Variants in CDCA2 observed in about 807,000 individuals in gnomAD.
The protein encoded by CDCA2 is cell division cycle associated 2.
CDCA2 carries 44 observed loss-of-function variants against 67.0 expected under a neutral mutation model. The ratio of observed to expected loss-of-function variants is 0.66; its 90% CI spans 0.52 to 0.84. The LOEUF is 0.84. Among genes scored for constraint, CDCA2 ranks in the 40% least tolerant of loss-of-function variants. CDCA2 has a pLI of 0.00. For synonymous variants in CDCA2, 447 were observed against 418.7 expected (o/e 1.07, Z -0.82); for missense variants, 1,253 against 1,203.2 (o/e 1.04, Z -0.61).
chr8:25,462,381 C>G (rs750307633), intron 4 of CDCA2, among the ~76,000 whole-genome samples, 173 bp downstream of exon 4: 24 of 152,288 alleles, frequency 1.6e-4, no homozygotes, highest in South Asian at 1.0e-3. Flanking sequence ...AATCCCAGTA[C>G]TCTGGGAGGC....
At chr8:25,459,070 C>G (rs1278549664), upstream of CDCA2, 1 of 152,214 alleles carries the variant, frequency 6.6e-6, no homozygotes, top group Non-Finnish European at 1.5e-5. Context: ...TGGTCCCTCT[C>G]CGAGCCCAGG....
intron 3 of CDCA2, 120 bp from the exon 4 acceptor site, chr8:25,461,934 A>C (rs1408475324): frequency 1.1e-6 from 1 of 931,324 alleles, no homozygotes; most frequent in East Asian, 2.5e-5. Flanking sequence ...CTCTCCACTG[A>C]GTTTTTTGTA....
chr8:25,501,725 C>G (rs1214612898), intron 13 of CDCA2, among the ~76,000 whole-genome samples: 2 of 152,190 alleles, frequency 1.3e-5, no homozygotes, highest in Non-Finnish European at 1.5e-5. Context: ...GTTCACACAG[C>G]CAGTCATGGT....
chr8:25,506,985 A>T lies in CDCA2; in HGVS notation c.2319A>T (p.Ala773=), dbSNP rs773443648. 2.5e-6 allele frequency: 4 copies of T among 1,614,044 alleles called. No homozygotes were observed. The African/African-American group carries it at 4.0e-5, about 16-fold the overall frequency. The change falls in exon 15 of 15, where the codon GCA becomes GCT. Residue 773 remains alanine, a synonymous_variant. Coordinates refer to ENST00000330560, the MANE Select transcript of CDCA2 (RefSeq NM_152562.4). ...GAAAGGATGACTTCTTAGGAGCTGC[A>T]GAAGGAAAACTGCAATGCAATCGTT... is the stretch of plus-strand genomic sequence containing the variant. The part of the protein sequence containing the change: ...CERKDDFLGA[A]EGKLQCNRLM...
At chr8:25,486,851 C>G (rs1340635523) in intron 11 of CDCA2, among the ~76,000 whole-genome samples, 3 of 151,996 alleles carry the variant, frequency 2.0e-5, no homozygotes, top group Non-Finnish European at 4.4e-5. Context: ...TTTTCCTATC[C>G]TACACTTTAA....
At chr8:25,469,649 G>A (rs1448052774) in intron 6 of CDCA2, among the ~76,000 whole-genome samples, 3 of 137,946 alleles carry the variant, frequency 2.2e-5, no homozygotes, top group African/African-American at 5.3e-5. Context: ...TGATTTGTGG[G>A]ATGTTTAGGA....
In CDCA2 at chr8:25,459,280, G is replaced by A. The variant is rs1220233973; in HGVS notation, c.-194G>A. 6.6e-6 allele frequency: 1 copy of A among 152,432 alleles called. No homozygotes were observed. Among genetic ancestry groups the A allele is most frequent in the Non-Finnish European group, 1.5e-5 (1 of 68,232 alleles). The allele number at this position is 152,432 out of a possible 1,614,324, so 9.4% of individuals were successfully genotyped here. On this transcript the variant is annotated 5_prime_UTR_variant, in exon 1 of 15. Transcript: ENST00000330560. ...GCAGGCCAGGATCAGCGCAGGCTGT[G>A]AGTCCAGGTCAGCCGTCGGGACCTC...
At chr8:25,473,696 C>T (rs370968747) in intron 7 of CDCA2, among the ~76,000 whole-genome samples, 2 of 152,330 alleles carry the variant, frequency 1.3e-5, no homozygotes, top group African/African-American at 4.8e-5. Flanking sequence ...ATAAGAGCTT[C>T]ATAATATAAT....
chr8:25,497,251 A>G (rs1036332704), intron 13 of CDCA2, among the ~76,000 whole-genome samples: 7 of 152,162 alleles, frequency 4.6e-5, no homozygotes, highest in African/African-American at 9.7e-5. Flanking sequence ...ACTTCTGGGT[A>G]TGTATCCAAA....
At chr8:25,492,292 T>C (rs940094658) in intron 13 of CDCA2, among the ~76,000 whole-genome samples, 3 of 151,412 alleles carry the variant, frequency 2.0e-5, no homozygotes, top group Non-Finnish European at 2.9e-5. Flanking sequence ...GGAGGAACTC[T>C]AGCAAAATGA....
rs1252270949 is a variant in CDCA2, at chr8:25,479,921, G to T, written c.829G>T (p.Val277Phe). Reference protein sequence around the residue: ...ELTETSNALKVADCVVGKGSS... With the variant: ...ELTETSNALKFADCVVGKGSS... ...ACATGTTTATCTTGAAGCACTAAAG[G>T]TTGCTGACTGTGTAGTGGGCAAAGG... is the stretch of plus-strand genomic sequence containing the variant. The change falls in exon 8 of 15, where the codon GTT becomes TTT. Residue 277 changes from valine to phenylalanine, a missense_variant. Val to Phe is a conservative substitution (Grantham distance 50, BLOSUM62 -1). Coordinates refer to ENST00000330560, the MANE Select transcript of CDCA2 (RefSeq NM_152562.4). 7 of 1,614,012 alleles carry T rather than the reference G, an allele frequency of 4.3e-6. No homozygotes were observed. The Admixed American group carries it at 5.0e-5, about 12-fold the overall frequency.
At chr8:25,468,465 A>G (rs756711522) in intron 6 of CDCA2, 52 bp downstream of exon 6, 36 of 1,498,162 alleles carry the variant, frequency 2.4e-5, no homozygotes, top group Non-Finnish European at 3.2e-5. Flanking sequence ...TTTTCTGCAT[A>G]GGCAGTTTTA....
intron 5 of CDCA2, among the ~76,000 whole-genome samples, chr8:25,467,162 T>C (rs11779723): frequency 0.4 from 60,703 of 150,728 alleles, 12,638 homozygotes; most frequent in African/African-American, 0.52. Flanking sequence ...AGTCTTTTTT[T>C]TTTCCCCCCC....
At position 25,503,459 on chromosome 8, in the gene CDCA2, G is replaced by A; in HGVS notation, c.1758G>A (p.Lys586=). The A allele has an allele frequency of 2.5e-6, 4 of 1,614,014 alleles. No homozygotes were observed. Among genetic ancestry groups the A allele is most frequent in the Non-Finnish European group, 3.4e-6 (4 of 1,179,892 alleles). Residue 586 remains lysine (K), a synonymous_variant, in exon 14 of 15, where the codon AAG becomes AAA. Transcript: ENST00000330560. Reference sequence around the variant, plus strand: ...ATGGGGAAAGAGACATTGCTTCTAAGAAGCCCCTCCTCAGTCCTATTCCCG... The same window carrying A: ...ATGGGGAAAGAGACATTGCTTCTAAAAAGCCCCTCCTCAGTCCTATTCCCG... The part of the protein sequence containing the change: ...SLYGERDIAS[K]KPLLSPIPEL...
chr8:25,487,231 T>C lies in CDCA2; in HGVS notation c.1445-15T>C. 6.3e-7 allele frequency: 1 copy of C among 1,577,220 alleles called. No individual in the cohort carries two copies. Among genetic ancestry groups the C allele is most frequent in the Non-Finnish European group, 8.7e-7 (1 of 1,147,652 alleles). ...TGGTTTCCTACCCTGATTTAGCTTTTGTCTTGTTTATCAGGCACTGATACC... is the reference window on the plus strand; with the variant it reads ...TGGTTTCCTACCCTGATTTAGCTTTCGTCTTGTTTATCAGGCACTGATACC... On this transcript the variant is annotated splice_polypyrimidine_tract_variant and intron_variant, in intron 11 of 14. Coordinates refer to ENST00000330560, the MANE Select transcript of CDCA2 (RefSeq NM_152562.4).
intron 13 of CDCA2, among the ~76,000 whole-genome samples, chr8:25,497,459 A>G (rs1804268387): frequency 6.6e-6 from 1 of 151,364 alleles, no homozygotes; most frequent in Non-Finnish European, 1.5e-5. Context: ...AGGCACAGAG[A>G]GACAAGAAGA....
rs761590455 is a variant in CDCA2 at position 25,503,370 on chromosome 8, C to T, written c.1672-3C>T. 12 of 1,609,326 alleles carry T rather than the reference C, an allele frequency of 7.5e-6. No homozygotes were observed. In the African/African-American group the frequency reaches 1.3e-4, roughly 18 times the overall value. ...ATTGCAATGTTTTAATGCATTTTCTCAGGTTTTAAAAAGTTGCAGAAAGAA... is the reference window on the plus strand; with the variant it reads ...ATTGCAATGTTTTAATGCATTTTCTTAGGTTTTAAAAAGTTGCAGAAAGAA... On this transcript the variant is annotated splice_polypyrimidine_tract_variant and splice_region_variant and intron_variant, in intron 13 of 14. Coordinates refer to ENST00000330560, the MANE Select transcript of CDCA2 (RefSeq NM_152562.4).
chr8:25,507,018 T>G lies in CDCA2; in HGVS notation c.2352T>G (p.Pro784=). ...AACTGCAATGCAATCGTTTAATGCC[T>G]AATTCACAAAAAGACTGTCATTGTT... ...EGKLQCNRLM[P]NSQKDCHCLG... Residue 784 remains proline (P), a synonymous_variant, in exon 15 of 15, where the codon CCT becomes CCG. Transcript: ENST00000330560. 1 of 1,614,096 alleles carries G rather than the reference T, an allele frequency of 6.2e-7. No individual in the cohort carries two copies. Among genetic ancestry groups the G allele is most frequent in the South Asian group, 1.1e-5 (1 of 91,074 alleles).
chr8:25,497,505 A>C (rs1472351585), intron 13 of CDCA2, among the ~76,000 whole-genome samples: 1 of 28,950 alleles, frequency 3.5e-5, no homozygotes, highest in African/African-American at 5.4e-5. Flanking sequence ...AAAATAAAAA[A>C]TAAAAAAAAA....
Sources: gnomAD v4.1 joint callset for allele counts (sites outside exome capture counted in the v4.1 genomes callset) on GRCh38, gnomAD v4.1.1 for gene constraint, MANE v1.5 for transcripts, NCBI Gene and HGNC (gene_info 2026-07-23, HGNC 2026-07-21) for gene names.